ST18: variants seen among roughly 807,000 people sequenced by gnomAD.
ST18 encodes suppression of tumorigenicity 18 protein.
In ST18, 50 loss-of-function variants were observed where a neutral mutation model predicts 110.0. That is an observed-to-expected ratio of 0.45 (90% CI 0.36 to 0.58). The LOEUF (loss-of-function observed/expected upper bound fraction) is 0.58. Ranked by LOEUF, ST18 falls within the 20% of genes least tolerant of loss-of-function variation. The probability of loss-of-function intolerance (pLI) is 0.00; values close to 1 mark genes in which losing one functional copy is unlikely to be tolerated. For missense variants in ST18, 1,306 were observed against 1,280.1 expected (o/e 1.02, Z -0.31); for synonymous variants, 461 against 452.4 (o/e 1.02, Z -0.24).
At chr8:52,408,278 G>T (rs559433190) in intron 2 of ST18, among the ~76,000 whole-genome samples, 2 of 152,252 alleles carry the variant, frequency 1.3e-5, no homozygotes, top group South Asian at 4.2e-4. Flanking sequence ...TTATCTGAAG[G>T]GACCATTCCT....
chr8:52,388,714 G>A (rs1837892860), intron 2 of ST18, among the ~76,000 whole-genome samples: 1 of 150,976 alleles, frequency 6.6e-6, no homozygotes, highest in Non-Finnish European at 1.5e-5. Flanking sequence ...AGGTCAGGGA[G>A]GGCCTTTCTC....
At chr8:52,116,007 G>A (rs1339976852) in intron 25 of ST18, among the ~76,000 whole-genome samples, 1 of 152,070 alleles carries the variant, frequency 6.6e-6, no homozygotes, top group Non-Finnish European at 1.5e-5. Context: ...ACTTTCACAT[G>A]ACATTGTGAA....
intron 25 of ST18, among the ~76,000 whole-genome samples, chr8:52,113,559 T>G (rs2130043103): frequency 6.6e-6 from 1 of 152,234 alleles, no homozygotes; most frequent in Admixed American, 6.5e-5. Flanking sequence ...GTACAGTATT[T>G]GGGGTTGATT....
intron 2 of ST18, among the ~76,000 whole-genome samples, chr8:52,328,272 C>T (rs1470696564): frequency 6.6e-6 from 1 of 152,188 alleles, no homozygotes; most frequent in Non-Finnish European, 1.5e-5. Context: ...AGAATGAGAA[C>T]TTATTAACAG....
intron 2 of ST18, among the ~76,000 whole-genome samples, chr8:52,276,153 C>CACATA (rs1564393049): frequency 8.5e-4 from 11 of 12,910 alleles, no homozygotes; most frequent in South Asian, 2.0e-3. Context: ...ATGCACACCA[C>CACATA]GCACCACACA....
chr8:52,126,795 T>G (rs903312468), intron 22 of ST18, among the ~76,000 whole-genome samples: 1 of 152,248 alleles, frequency 6.6e-6, no homozygotes, highest in Non-Finnish European at 1.5e-5. Context: ...AGGCAGTCTA[T>G]TACATTGCAG....
chr8:52,316,505 A>T (rs2096029480), intron 2 of ST18, among the ~76,000 whole-genome samples: 1 of 152,350 alleles, frequency 6.6e-6, no homozygotes, highest in African/African-American at 2.4e-5. Flanking sequence ...TGAACACAAG[A>T]CAACTCCACA....
In ST18 at chr8:52,226,836, C is replaced by T. The variant is rs536709496; in HGVS notation, c.-419+3196G>A. Among the ~76,000 whole-genome samples, 3 of 152,244 alleles carry T rather than the reference C, an allele frequency of 2.0e-5. No individual in the cohort carries two copies. The East Asian group carries it at 5.8e-4, about 29-fold the overall frequency. On this transcript the variant is annotated intron_variant, in intron 3 of 25. Coordinates refer to ENST00000689386, the MANE Select transcript of ST18 (RefSeq NM_001352837.2). ...GTAAAGAGAATTTTCTCTATTTAAG[C>T]TATTTCATTATGTAGATTATTACAC...
At chr8:52,226,045 A>G (rs2089259853) in intron 3 of ST18, among the ~76,000 whole-genome samples, 1 of 152,232 alleles carries the variant, frequency 6.6e-6, no homozygotes, top group African/African-American at 2.4e-5. Flanking sequence ...TTGTTTCTCA[A>G]CAGTCAACTG....
At chr8:52,143,706 G>C (rs1198717298) in intron 16 of ST18, among the ~76,000 whole-genome samples, 1 of 152,148 alleles carries the variant, frequency 6.6e-6, no homozygotes, top group Non-Finnish European at 1.5e-5. Context: ...GCTCCCTAGA[G>C]AGCACAGGAA....
chr8:52,395,375 G>A (rs745838802), intron 2 of ST18, among the ~76,000 whole-genome samples: 1 of 152,228 alleles, frequency 6.6e-6, no homozygotes, highest in South Asian at 2.1e-4. Flanking sequence ...AGACCCGTTA[G>A]GAGTGGAGTG....
At position 52,113,126 on chromosome 8, in the gene ST18, C is replaced by T. The variant is rs934219039; in HGVS notation, c.*72G>A. 9.3e-5 allele frequency: 147 copies of T among 1,585,132 alleles called. 1 individual carries two copies. The East Asian group carries it at 3.3e-3, about 35-fold the overall frequency. On this transcript the variant is annotated 3_prime_UTR_variant, in exon 26 of 26. Transcript: ENST00000689386. ...CGGCAACCTCCACGCCTTAGCAGTA[C>T]ATGAACCTCTAACAGATCCATCTGG...
chr8:52,179,508 C>T (rs2068469612), intron 9 of ST18, among the ~76,000 whole-genome samples: 1 of 152,148 alleles, frequency 6.6e-6, no homozygotes, highest in East Asian at 1.9e-4. Context: ...GAAGACTAGT[C>T]TGCCAACTTG....
chr8:52,238,602 C>T (rs758150430), intron 2 of ST18, among the ~76,000 whole-genome samples: 6 of 151,980 alleles, frequency 3.9e-5, no homozygotes, highest in African/African-American at 1.5e-4. Context: ...TGTCCATCAA[C>T]GGATTACTGG....
chr8:52,295,784 T>G (rs1217096013), intron 2 of ST18, among the ~76,000 whole-genome samples: 1 of 151,698 alleles, frequency 6.6e-6, no homozygotes, highest in African/African-American at 2.4e-5. Context: ...GAAAATAGTT[T>G]GTTGAAACTG....
chr8:52,250,470 A>AAAAAAAAAAAAAAAAC (rs2094208278), intron 2 of ST18, among the ~76,000 whole-genome samples: 2 of 150,186 alleles, frequency 1.3e-5, no homozygotes, highest in Non-Finnish European at 3.0e-5. Flanking sequence ...AAAAAAAAAA[A>AAAAAAAAAAAAAAAAC]AAAAAAAGAT....
At chr8:52,153,693 C>T (rs911657534) in intron 15 of ST18, among the ~76,000 whole-genome samples, 9 of 152,204 alleles carry the variant, frequency 5.9e-5, no homozygotes, top group Admixed American at 4.6e-4. Context: ...TCATGGTCCA[C>T]GCTGCTTGGC....
intron 2 of ST18, among the ~76,000 whole-genome samples, chr8:52,242,354 C>T (rs1179509284): frequency 6.6e-6 from 1 of 152,184 alleles, no homozygotes; most frequent in African/African-American, 2.4e-5. Context: ...TGGCTGCACA[C>T]CCCCTCTGGG....
At chr8:52,222,891 C>T (rs1444454019) in intron 3 of ST18, among the ~76,000 whole-genome samples, 13 of 152,122 alleles carry the variant, frequency 8.5e-5, no homozygotes, top group African/African-American at 7.2e-5. Flanking sequence ...GATCAAGCTC[C>T]CAGAACTTGT....
Sources: gnomAD v4.1 joint callset for allele counts (sites outside exome capture counted in the v4.1 genomes callset) on GRCh38, gnomAD v4.1.1 for gene constraint, MANE v1.5 for transcripts, NCBI Gene and HGNC (gene_info 2026-07-23, HGNC 2026-07-21) for gene names.